Variants in IQANK1 observed in about 807,000 individuals in gnomAD.
IQANK1 encodes IQ motif and ankyrin repeat containing 1.
IQANK1 carries 30 observed loss-of-function variants against 22.6 expected under a neutral mutation model. That is an observed-to-expected ratio of 1.33 (90% CI 0.99 to 1.80). The LOEUF is 1.80. Among genes scored for constraint, IQANK1 ranks in the 40% most tolerant of loss-of-function variants. The pLI is 0.00. For synonymous variants in IQANK1, 122 were observed against 99.6 expected (o/e 1.23, Z -1.34); for missense variants, 275 against 235.2 (o/e 1.17, Z -1.11).
At position 143,739,923 on chromosome 8, in the gene IQANK1, G is replaced by A. The variant is rs1410337556; in HGVS notation, c.150G>A (p.Ser50=). ...GCTGGCAGGCGAGGGAGCCCGCGTC[G>A]GCTGAGAGCCCACAGGCCCCCACAG... ...KAGWQAREPA[S]AESPQAPTGP... is the part of the protein sequence containing the mutation. Residue 50 remains serine, a synonymous_variant, in exon 3 of 14, where the codon TCG becomes TCA. Transcript: ENST00000527139. 3 of 699,498 alleles carry A rather than the reference G, an allele frequency of 4.3e-6. No individual in the cohort carries two copies. Among genetic ancestry groups the A allele is most frequent in the Non-Finnish European group, 7.8e-6 (3 of 383,596 alleles). The allele number at this position is 699,498 out of a possible 1,614,324, so 43.3% of individuals were successfully genotyped here. A position where few individuals can be genotyped will look rare whatever the true frequency, so the allele number is the denominator to read the frequency against.
Position 143,774,136 on chromosome 8 carries a change from G to A in IQANK1, c.789+1654G>A, listed in dbSNP as rs1476769479. Among the ~76,000 whole-genome samples, 2 of 150,720 alleles carry A rather than the reference G, an allele frequency of 1.3e-5. No individual in the cohort carries two copies. Among genetic ancestry groups the A allele is most frequent in the Non-Finnish European group, 2.9e-5 (2 of 67,848 alleles). On this transcript the variant is annotated intron_variant, in intron 7 of 13. Coordinates refer to ENST00000527139, the MANE Select transcript of IQANK1 (RefSeq NM_001381874.1). The surrounding 1 kb of genome is among the most constrained non-coding windows in gnomAD (Gnocchi z 4.2). ...TAGGAGAAAAATCTTTGGGGCCTAG[G>A]ACTTGGAGGGATTCTTGGACATGAC... is the stretch of plus-strand genomic sequence containing the variant.
At chr8:143,782,486 C>A (rs1219132138) in intron 7 of IQANK1, among the ~76,000 whole-genome samples, 2 of 150,756 alleles carry the variant, frequency 1.3e-5, no homozygotes, top group African/African-American at 4.9e-5. Context: ...TTTTCTTTTT[C>A]TTTTTTTTTG....
chr8:143,742,509 G>A (rs1044973248), intron 3 of IQANK1: 1 of 456,046 alleles, frequency 2.2e-6, no homozygotes, highest in African/African-American at 2.0e-5. Flanking sequence ...TCTGGGCTGG[G>A]CCCCACAAAC....
intron 3 of IQANK1, among the ~76,000 whole-genome samples, chr8:143,769,394 ACCACGTTGTC>A (rs1412572846): frequency 6.6e-6 from 1 of 151,826 alleles, no homozygotes; most frequent in Non-Finnish European, 1.5e-5. Flanking sequence ...ACAGGGTCTC[ACCACGTTGTC>A]CAGGCTGGCC....
At chr8:143,748,628 A>G (rs1819086370) in intron 3 of IQANK1, among the ~76,000 whole-genome samples, 1 of 126,160 alleles carries the variant, frequency 7.9e-6, no homozygotes, top group African/African-American at 3.3e-5. Context: ...TATATAATAT[A>G]TCATATATAA....
chr8:143,763,006 CTTTCTTTTCCT>C (rs1156229674), intron 3 of IQANK1, among the ~76,000 whole-genome samples: 11 of 147,292 alleles, frequency 7.5e-5, no homozygotes, highest in African/African-American at 1.8e-4. Context: ...TTCCTTTTCC[CTTTCTTTTCCT>C]TTTCTTTTTC....
At chr8:143,743,102 A>G (rs4074641) in intron 3 of IQANK1, 130,008 of 445,398 alleles carry the variant, frequency 0.29, 23,411 homozygotes, top group African/African-American at 0.62. Context: ...TCTGCAGGGT[A>G]GCCACCGGGC....
intron 7 of IQANK1, among the ~76,000 whole-genome samples, chr8:143,776,643 G>A (rs1554630460): frequency 6.6e-6 from 1 of 152,176 alleles, no homozygotes; most frequent in African/African-American, 2.4e-5. Flanking sequence ...GGATACTGAG[G>A]CAGCAGGAGA....
At chr8:143,778,648 C>A (rs1347597187) in intron 7 of IQANK1, among the ~76,000 whole-genome samples, 1 of 152,228 alleles carries the variant, frequency 6.6e-6, no homozygotes, top group East Asian at 1.9e-4. Context: ...CCACGCTGTC[C>A]ATCACCATCC....
At chr8:143,765,012 C>A in intron 3 of IQANK1, among the ~76,000 whole-genome samples, 1 of 152,176 alleles carries the variant, frequency 6.6e-6, no homozygotes, top group East Asian at 1.9e-4. Context: ...CATTCCCTTA[C>A]TTTTAAAATA....
Position 143,789,793 on chromosome 8 carries a change from G to C in IQANK1, c.1119G>C (p.Arg373Ser), listed in dbSNP as rs1232571381. 1.6e-6 allele frequency: 2 copies of C among 1,232,032 alleles called. No homozygotes were observed. The highest frequency in any genetic ancestry group is 3.1e-5 in the African/African-American group (2 of 64,436). 76.3% of individuals were successfully genotyped at this position (1,232,032 alleles called of 1,614,324 possible). ...AGGACACAGAGGCCCAGGTGGACAG[G>C]CTGCGGCAGGAGGCCCAGAAGGCCG... ...AIKDTEAQVDRLRQEAQKAEE... is the reference protein window; with the variant it reads ...AIKDTEAQVDSLRQEAQKAEE... Residue 373 changes from arginine (R) to serine (S), a missense_variant, in exon 11 of 14, where the codon AGG becomes AGC. Physicochemically the swap from Arg to Ser is moderately radical, Grantham distance 110. Coordinates refer to ENST00000527139, the MANE Select transcript of IQANK1 (RefSeq NM_001381874.1).
intron 3 of IQANK1, among the ~76,000 whole-genome samples, chr8:143,757,565 T>C (rs1471400804): frequency 6.6e-6 from 1 of 152,150 alleles, no homozygotes; most frequent in African/African-American, 2.4e-5. Context: ...TCTCGATCTC[T>C]TGACCTCATG....
At chr8:143,760,510 T>C in intron 3 of IQANK1, 1 of 35,264 alleles carries the variant, frequency 2.8e-5, no homozygotes. Flanking sequence ...ATTTCATCTC[T>C]ACAAAAAAAA....
rs1818726297 is a variant in IQANK1 at position 143,735,949 on chromosome 8, C to T, written c.85+11C>T. On this transcript the variant is annotated intron_variant, in intron 2 of 13. Transcript: ENST00000527139. This position sits in a 1 kb window ranked among gnomAD's most constrained non-coding sequence, Gnocchi z 5.2. ...CAAGAGCTGCTGCTGGTAAGTGCAC[C>T]CTCTGACCTCCAGAGCACTGTCACC... The T allele has an allele frequency of 5.7e-6, 4 of 702,464 alleles. No homozygotes were observed. The highest frequency in any genetic ancestry group is 1.0e-5 in the Non-Finnish European group (4 of 384,842). 43.5% of individuals were successfully genotyped at this position (702,464 alleles called of 1,614,324 possible). A position where few individuals can be genotyped will look rare whatever the true frequency, so the allele number is the denominator to read the frequency against.
chr8:143,786,585 T>TTAGCC (rs1819893853), intron 7 of IQANK1, among the ~76,000 whole-genome samples: 1 of 152,220 alleles, frequency 6.6e-6, no homozygotes, highest in South Asian at 2.1e-4. Context: ...CCGTTCATGA[T>TTAGCC]TAGCCCAGCC....
Position 143,741,075 on chromosome 8 carries a change from C to T in IQANK1, c.175+1127C>T, listed in dbSNP as rs553929690. ...CTGCCCGGGACCGTCTCCAATCATT[C>T]CTGTGTCTGGGTGTCACTTTTTCCA... On this transcript the variant is annotated intron_variant, in intron 3 of 13. Coordinates refer to ENST00000527139, the MANE Select transcript of IQANK1 (RefSeq NM_001381874.1). Among the ~76,000 whole-genome samples the T allele has an allele frequency of 2.3e-3, 353 of 152,320 alleles. 1 individual carries two copies. The highest frequency in any genetic ancestry group is 4.4e-3 in the Non-Finnish European group (297 of 68,018).
At chr8:143,749,712 G>A (rs1182810533) in intron 3 of IQANK1, among the ~76,000 whole-genome samples, 4 of 148,260 alleles carry the variant, frequency 2.7e-5, no homozygotes, top group Non-Finnish European at 5.9e-5. Flanking sequence ...ATAGGTGCCT[G>A]CCACCATGCC....
intron 3 of IQANK1, among the ~76,000 whole-genome samples, chr8:143,760,017 T>C (rs1819366524): frequency 6.6e-6 from 1 of 152,134 alleles, no homozygotes. Context: ...AGTTGCATGA[T>C]CCCTGACCGT....
At chr8:143,759,294 T>C in intron 3 of IQANK1, 1 of 167,704 alleles carries the variant, frequency 6.0e-6, no homozygotes, top group Non-Finnish European at 1.3e-5. Flanking sequence ...GATGAGGAGC[T>C]TCCCTTGCAC....
Sources: allele counts gnomAD v4.1 joint callset (sites outside exome capture counted in the v4.1 genomes callset), GRCh38; gene constraint gnomAD v4.1.1; non-coding constraint Gnocchi (gnomAD v3.1); transcripts MANE v1.5; gene names NCBI Gene and HGNC (gene_info 2026-07-23, HGNC 2026-07-21).